Variants in SGCD observed in about 807,000 individuals in gnomAD.
The protein encoded by SGCD is sarcoglycan delta.
A neutral mutation model predicts 36.6 loss-of-function variants in SGCD; 18 were observed. The observed-to-expected ratio is 0.49, with a 90% CI of 0.34 to 0.73. The LOEUF (loss-of-function observed/expected upper bound fraction) is 0.73, where lower values mean the gene tolerates loss of function less well. Among genes scored for constraint, SGCD ranks in the 30% least tolerant of loss-of-function variants. The probability of loss-of-function intolerance (pLI) is 0.01; values close to 1 mark genes in which losing one functional copy is unlikely to be tolerated. For synonymous variants in SGCD, 133 were observed against 130.6 expected (o/e 1.02, Z -0.12); for missense variants, 387 against 346.7 (o/e 1.12, Z -0.92).
At chr5:156,317,372 AG>A (rs1365181592) in intron 3 of SGCD, among the ~76,000 whole-genome samples, 1 of 152,180 alleles carries the variant, frequency 6.6e-6, no homozygotes, top group East Asian at 1.9e-4. Context: ...GGGATAAGAC[AG>A]TTTAATAACA....
At chr5:155,840,085 CT>C in the SGCD span, among the ~76,000 whole-genome samples, 127,871 of 149,596 alleles carry the variant, frequency 0.85, 54,635 homozygotes, top group East Asian at 0.99. Flanking sequence ...TTGTGTCAGT[CT>C]TTTTTTTTTT....
intron 1 of SGCD, among the ~76,000 whole-genome samples, chr5:156,088,801 T>C (rs1163027091): frequency 1.3e-5 from 2 of 152,204 alleles, no homozygotes; most frequent in Non-Finnish European, 2.9e-5. Context: ...GTGGTTTTTC[T>C]TAAGTAGTAT....
intron 3 of SGCD, among the ~76,000 whole-genome samples, chr5:156,166,562 C>T (rs1369536723): frequency 1.3e-5 from 2 of 152,142 alleles, no homozygotes; most frequent in East Asian, 1.9e-4. Flanking sequence ...CCTCGTGATC[C>T]GCCCGCCTCG....
intron 3 of SGCD, among the ~76,000 whole-genome samples, chr5:156,149,882 T>C (rs1762793651): frequency 6.6e-6 from 1 of 152,208 alleles, no homozygotes; most frequent in African/African-American, 2.4e-5. Flanking sequence ...CTAACGGAAA[T>C]GTACTGGCAG....
chr5:156,749,450 T>C (rs903926614), intron 7 of SGCD, among the ~76,000 whole-genome samples: 10 of 152,052 alleles, frequency 6.6e-5, no homozygotes, highest in African/African-American at 2.4e-4. Context: ...ATAGATCAGA[T>C]TGACAAACCC....
At chr5:155,982,109 C>T (rs895125911) in intron 1 of SGCD, among the ~76,000 whole-genome samples, 2 of 152,182 alleles carry the variant, frequency 1.3e-5, no homozygotes, top group African/African-American at 4.8e-5. Context: ...AAATTATTGG[C>T]CTGCCTTGAC....
At chr5:155,842,584 A>G in the SGCD span, among the ~76,000 whole-genome samples, 4 of 152,266 alleles carry the variant, frequency 2.6e-5, no homozygotes, top group South Asian at 4.1e-4. Context: ...CGGAAAAAAA[A>G]AAAGTGACTA....
intron 1 of SGCD, among the ~76,000 whole-genome samples, chr5:155,921,911 C>T (rs1263308017): frequency 6.6e-6 from 1 of 152,194 alleles, no homozygotes; most frequent in East Asian, 1.9e-4. Context: ...TAATTCAGTT[C>T]ATCTTTACCA....
chr5:156,613,761 A>C (rs1007755835), intron 6 of SGCD, among the ~76,000 whole-genome samples: 2 of 152,224 alleles, frequency 1.3e-5, no homozygotes, highest in African/African-American at 4.8e-5. Flanking sequence ...TAGCAAAATC[A>C]TTTTGCCACA....
At chr5:156,557,940 TCC>T (rs1343684662) in intron 4 of SGCD, among the ~76,000 whole-genome samples, 1 of 151,668 alleles carries the variant, frequency 6.6e-6, no homozygotes, top group Non-Finnish European at 1.5e-5. Context: ...TGGAGAGTTG[TCC>T]ATCAAAAATG....
chr5:155,857,450 G>C, the SGCD span, among the ~76,000 whole-genome samples: 2 of 152,260 alleles, frequency 1.3e-5, no homozygotes, highest in African/African-American at 4.8e-5. Flanking sequence ...ATACTAAGCA[G>C]CAATGAAAGG....
In SGCD at chr5:156,419,199, T is replaced by C. The variant is rs1026836391; in HGVS notation, c.192+74522T>C. Among the ~76,000 whole-genome samples, 4 of 152,278 alleles carry C rather than the reference T, an allele frequency of 2.6e-5. No individual in the cohort carries two copies. In the East Asian group the frequency reaches 5.8e-4, roughly 22 times the overall value. On this transcript the variant is annotated intron_variant, in intron 3 of 8. Transcript: ENST00000337851. ...GACCACATGGGTTCACTTTTTCACA[T>C]GCGGAATTAACTAAAACACAAGTAA... is the stretch of plus-strand genomic sequence containing the variant.
chr5:156,004,163 G>A (rs1474800003), intron 1 of SGCD, among the ~76,000 whole-genome samples: 1 of 152,052 alleles, frequency 6.6e-6, no homozygotes, highest in Non-Finnish European at 1.5e-5. Context: ...TTATTTCAGG[G>A]GGAGAGGCTA....
chr5:156,580,685 T>C (rs1443117887), intron 4 of SGCD, among the ~76,000 whole-genome samples: 1 of 152,228 alleles, frequency 6.6e-6, no homozygotes, highest in African/African-American at 2.4e-5. Flanking sequence ...TTCTACTTGA[T>C]TGAATCAGCT....
chr5:156,238,133 C>G (rs1243531132), intron 3 of SGCD, among the ~76,000 whole-genome samples: 3 of 151,988 alleles, frequency 2.0e-5, no homozygotes, highest in African/African-American at 7.3e-5. Context: ...TTTGTAGATA[C>G]TAGGTCTTTC....
At chr5:156,530,856 G>A (rs1757859333) in intron 4 of SGCD, among the ~76,000 whole-genome samples, 1 of 151,552 alleles carries the variant, frequency 6.6e-6, no homozygotes, top group Non-Finnish European at 1.5e-5. Context: ...GGGATTACAG[G>A]CGTGAGCCAC....
intron 4 of SGCD, among the ~76,000 whole-genome samples, chr5:156,536,866 C>G (rs1319414791): frequency 6.6e-6 from 1 of 152,168 alleles, no homozygotes; most frequent in African/African-American, 2.4e-5. Flanking sequence ...CTTGGTGGCT[C>G]TCTGCCTTTG....
intron 3 of SGCD, among the ~76,000 whole-genome samples, chr5:156,364,202 C>G (rs1769964183): frequency 6.6e-6 from 1 of 152,200 alleles, no homozygotes; most frequent in Admixed American, 6.5e-5. Context: ...AACCTCTTGA[C>G]TTTAAAGTGA....
chr5:156,421,489 C>A (rs950398340), intron 3 of SGCD, among the ~76,000 whole-genome samples: 4 of 152,062 alleles, frequency 2.6e-5, no homozygotes, highest in African/African-American at 9.7e-5. Flanking sequence ...GTCAGCACAA[C>A]TGTCCCTGTG....
Sources: gnomAD v4.1 joint callset for allele counts (sites outside exome capture counted in the v4.1 genomes callset) on GRCh38, gnomAD v4.1.1 for gene constraint, MANE v1.5 for transcripts, NCBI Gene and HGNC (gene_info 2026-07-23, HGNC 2026-07-21) for gene names.